PTPRE: variants seen among roughly 807,000 people sequenced by gnomAD.
The protein encoded by PTPRE is receptor-type tyrosine-protein phosphatase epsilon.
Under a neutral mutation model 102.0 loss-of-function variants are expected in PTPRE, and 51 were observed. That is an observed-to-expected ratio of 0.50 (90% CI 0.40 to 0.63). The LOEUF (loss-of-function observed/expected upper bound fraction) is 0.63. PTPRE is among the 30% of genes least tolerant of loss of function. The pLI is 0.00. For missense variants in PTPRE, 752 were observed against 915.1 expected (o/e 0.82, Z 2.30); for synonymous variants, 345 against 348.2 (o/e 0.99, Z 0.10).
At position 128,073,450 on chromosome 10, in the gene PTPRE, G is replaced by A. The variant is rs376614299; in HGVS notation, c.1578G>A (p.Thr526=). The A allele has an allele frequency of 7.4e-6, 12 of 1,614,040 alleles. No homozygotes were observed. Among genetic ancestry groups the A allele is most frequent in the East Asian group, 6.7e-5 (3 of 44,880 alleles). ...AATCCCACACTATCGTGATGCTGACGGAGGTGCAGGAGAGAGAGCAGGTGA... is the reference window on the plus strand; with the variant it reads ...AATCCCACACTATCGTGATGCTGACAGAGGTGCAGGAGAGAGAGCAGGTGA... ...EWKSHTIVML[T]EVQEREQDKC... The change falls in exon 17 of 21, where the codon ACG becomes ACA. Residue 526 remains threonine, a synonymous_variant. Coordinates refer to ENST00000254667, the MANE Select transcript of PTPRE (RefSeq NM_006504.6).
Position 128,085,176 on chromosome 10 carries a change from C to G in PTPRE, c.*2270C>G, listed in dbSNP as rs760994959. The G allele has an allele frequency of 8.9e-6, 4 of 448,888 alleles. No homozygotes were observed. The highest frequency in any genetic ancestry group is 6.3e-5 in the South Asian group (4 of 63,700). 27.8% of individuals were successfully genotyped at this position (448,888 alleles called of 1,614,324 possible). A position where few individuals can be genotyped will look rare whatever the true frequency, so the allele number is the denominator to read the frequency against. On this transcript the variant is annotated 3_prime_UTR_variant, in exon 21 of 21. Coordinates refer to ENST00000254667, the MANE Select transcript of PTPRE (RefSeq NM_006504.6). Reference sequence around the variant, plus strand: ...GGAGGTCATTACAGCCTCATGGCCTCTACCAAGGCCCCAGATCACAGGATC... The same window carrying G: ...GGAGGTCATTACAGCCTCATGGCCTGTACCAAGGCCCCAGATCACAGGATC...
At chr10:127,947,350 A>G (rs1426422894) in intron 1 of PTPRE, among the ~76,000 whole-genome samples, 1 of 152,212 alleles carries the variant, frequency 6.6e-6, no homozygotes, top group African/African-American at 2.4e-5. Context: ...CTCCTCTCCT[A>G]GGAAAACCTC....
At chr10:127,978,813 G>A (rs1564844338) in intron 1 of PTPRE, among the ~76,000 whole-genome samples, 1 of 152,114 alleles carries the variant, frequency 6.6e-6, no homozygotes, top group Non-Finnish European at 1.5e-5. Context: ...TTGAGGTCAG[G>A]AGTTGAAGAC....
intron 1 of PTPRE, among the ~76,000 whole-genome samples, chr10:127,941,106 G>A (rs1848213942): frequency 6.6e-6 from 1 of 152,234 alleles, no homozygotes. Flanking sequence ...GGCCGCCTGG[G>A]ATGGAGAAGA....
intron 2 of PTPRE, among the ~76,000 whole-genome samples, chr10:128,011,979 A>T (rs748261308): frequency 3.9e-5 from 6 of 152,228 alleles, no homozygotes; most frequent in Non-Finnish European, 7.3e-5. Flanking sequence ...GAGACAGATG[A>T]CATGCCCAGG....
At chr10:128,039,519 C>T (rs1847494698) in intron 2 of PTPRE, among the ~76,000 whole-genome samples, 1 of 152,188 alleles carries the variant, frequency 6.6e-6, no homozygotes, top group Admixed American at 6.5e-5. Context: ...TTGCCACCAT[C>T]GTCGTTGTTC....
chr10:127,918,775 A>C (rs1846392956), intron 1 of PTPRE, among the ~76,000 whole-genome samples: 1 of 150,514 alleles, frequency 6.6e-6, no homozygotes, highest in Non-Finnish European at 1.5e-5. Flanking sequence ...GAGCAAAGGC[A>C]GGGCCTGCCC....
intron 1 of PTPRE, among the ~76,000 whole-genome samples, chr10:127,950,295 G>A (rs756964071): frequency 1.2e-4 from 18 of 152,238 alleles, no homozygotes; most frequent in South Asian, 2.1e-4. Context: ...ATGCTGCAGC[G>A]CAGGGAATTT....
At position 127,957,889 on chromosome 10, in the gene PTPRE, A is replaced by G. The variant is rs186946669; in HGVS notation, c.-30-24385A>G. ...TTTGATTTCTTTCATCAGAGTTTTA[A>G]TATAGATCTTGTACATATTTTGTTA... On this transcript the variant is annotated intron_variant, in intron 1 of 20. Transcript: ENST00000254667. 3.5e-3 allele frequency among the ~76,000 whole-genome samples: 532 copies of G among 152,328 alleles called. 5 individuals carry two copies. Among genetic ancestry groups the G allele is most frequent in the African/African-American group, 0.012 (512 of 41,582 alleles).
intron 7 of PTPRE, among the ~76,000 whole-genome samples, chr10:128,058,885 G>A (rs771357329): frequency 9.9e-5 from 15 of 152,188 alleles, no homozygotes; most frequent in Non-Finnish European, 2.1e-4. Context: ...CTTGGCTCTG[G>A]GCAGGCATGT....
chr10:128,049,722 C>T (rs1848402299), intron 6 of PTPRE, 56 bp downstream of exon 6: 1 of 1,608,480 alleles, frequency 6.2e-7, no homozygotes, highest in African/African-American at 1.3e-5. Flanking sequence ...CTGTGAAATC[C>T]AGTGTTAGAG....
chr10:128,061,622 A>G, intron 8 of PTPRE, 57 bp from the exon 9 acceptor site: 1 of 1,551,492 alleles, frequency 6.4e-7, no homozygotes, highest in Non-Finnish European at 8.7e-7. Context: ...AACACCAACA[A>G]ATCCTTTCAG....
At chr10:127,917,498 A>G (rs1312134449) in intron 1 of PTPRE, among the ~76,000 whole-genome samples, 1 of 152,022 alleles carries the variant, frequency 6.6e-6, no homozygotes, top group Non-Finnish European at 1.5e-5. Flanking sequence ...TCTGGGCGAC[A>G]TAGTGATACT....
chr10:127,954,999 C>A (rs1849293822), intron 1 of PTPRE, among the ~76,000 whole-genome samples: 2 of 151,822 alleles, frequency 1.3e-5, no homozygotes, highest in African/African-American at 4.8e-5. Context: ...TCTGAGTCAA[C>A]AGGCTAAGCA....
chr10:128,072,331 C>T, intron 16 of PTPRE, 117 bp downstream of exon 16: 1 of 976,486 alleles, frequency 1.0e-6, no homozygotes, highest in Non-Finnish European at 1.5e-6. Context: ...AGAAACTCAG[C>T]CATTTTTGTT....
At chr10:128,037,878 G>A (rs1213915870) in intron 2 of PTPRE, among the ~76,000 whole-genome samples, 1 of 151,848 alleles carries the variant, frequency 6.6e-6, no homozygotes, top group African/African-American at 2.4e-5. Context: ...TACAAGCTCC[G>A]CCTCCTGGGT....
intron 1 of PTPRE, among the ~76,000 whole-genome samples, chr10:127,921,271 C>A (rs1261972938): frequency 1.3e-5 from 2 of 152,200 alleles, no homozygotes; most frequent in Non-Finnish European, 2.9e-5. Context: ...GTGAGGGCAG[C>A]AATTAGTGCA....
chr10:127,943,681 A>G lies in PTPRE; in HGVS notation c.-31+36372A>G, dbSNP rs7893213. On this transcript the variant is annotated intron_variant, in intron 1 of 20. Transcript: ENST00000254667. ...ACTCTGATTTCATTTGCTCAGGCAG[A>G]TGGTATTGGAGAGACTCAGCCACTT... Among the ~76,000 whole-genome samples, 502 of 152,354 alleles carry G rather than the reference A, an allele frequency of 3.3e-3. 1 individual carries two copies. The highest frequency in any genetic ancestry group is 0.012 in the African/African-American group (493 of 41,588).
intron 2 of PTPRE, among the ~76,000 whole-genome samples, chr10:128,023,795 T>C (rs1846102376): frequency 6.6e-6 from 1 of 152,248 alleles, no homozygotes; most frequent in Non-Finnish European, 1.5e-5. Context: ...AGTTTACTTT[T>C]GTCTGTGGAG....
Sources: gnomAD v4.1 joint callset for allele counts (sites outside exome capture counted in the v4.1 genomes callset) on GRCh38, gnomAD v4.1.1 for gene constraint, MANE v1.5 for transcripts, NCBI Gene and HGNC (gene_info 2026-07-23, HGNC 2026-07-21) for gene names.